Variants in BICRAL observed in about 807,000 individuals in gnomAD.
BICRAL encodes the protein BICRA like chromatin remodeling complex associated protein.
BICRAL carries 8 observed loss-of-function variants against 91.8 expected under a neutral mutation model. The ratio of observed to expected loss-of-function variants is 0.09; its 90% CI spans 0.05 to 0.16. BICRAL has a LOEUF of 0.16. Among genes scored for constraint, BICRAL ranks in the 10% least tolerant of loss-of-function variants. BICRAL has a pLI of 1.00. For synonymous variants in BICRAL, 445 were observed against 491.1 expected, an observed-to-expected ratio of 0.91 and a Z score of 1.24; for missense variants, 1,038 against 1,310.9, an observed-to-expected ratio of 0.79 and a Z score of 3.21.
chr6:42,795,788 C>T (rs777697462), intron 1 of BICRAL, among the ~76,000 whole-genome samples: 2 of 151,952 alleles, frequency 1.3e-5, no homozygotes, highest in East Asian at 3.9e-4. Flanking sequence ...CTTTTCTAAG[C>T]GGAATGTCTT....
Position 42,813,657 on chromosome 6 carries a change from A to T in BICRAL, c.-6+3256A>T, listed in dbSNP as rs183659595. On this transcript the variant is annotated intron_variant, in intron 2 of 12. Transcript: ENST00000314073. ...CACCTCAGCCTCCTGAGCAGCTGGG[A>T]TTACAGGTGCGCACCACCATGCCCA... 1.9e-4 allele frequency among the ~76,000 whole-genome samples: 29 copies of T among 152,088 alleles called. No homozygotes were observed. The East Asian group carries it at 2.1e-3, about 11-fold the overall frequency.
At chr6:42,849,735 G>C (rs994910258) in intron 6 of BICRAL, among the ~76,000 whole-genome samples, 1 of 150,646 alleles carries the variant, frequency 6.6e-6, no homozygotes, top group East Asian at 2.1e-4. Context: ...CACTGCGCCC[G>C]GCCTAGAACA....
intron 1 of BICRAL, among the ~76,000 whole-genome samples, chr6:42,770,505 C>G (rs1401018652): frequency 6.6e-6 from 1 of 151,342 alleles, no homozygotes; most frequent in Non-Finnish European, 1.5e-5. Context: ...ACCTCCACCT[C>G]CCAGGTTCAA....
chr6:42,866,818 C>G lies in BICRAL; in HGVS notation c.*1372C>G, dbSNP rs1231093753. On this transcript the variant is annotated 3_prime_UTR_variant, in exon 13 of 13. Coordinates refer to ENST00000314073, the MANE Select transcript of BICRAL (RefSeq NM_001393499.1). Reference sequence around the variant, plus strand: ...TTCTCGTATACCTGCCCCAGGTTATCCCATTTCTGTTGTTACCTTTATTCT... The same window carrying G: ...TTCTCGTATACCTGCCCCAGGTTATGCCATTTCTGTTGTTACCTTTATTCT... The G allele has an allele frequency of 2.2e-6, 1 of 456,466 alleles. No homozygotes were observed. Among genetic ancestry groups the G allele is most frequent in the South Asian group, 1.5e-5 (1 of 64,564 alleles). 28.3% of individuals were successfully genotyped at this position (456,466 alleles called of 1,614,324 possible).
rs775452279 is a variant in BICRAL at position 42,829,449 on chromosome 6, A to G, written c.1116A>G (p.Pro372=). Residue 372 remains proline, a synonymous_variant, in exon 6 of 13, where the codon CCA becomes CCG. Transcript: ENST00000314073. Reference sequence around the variant, plus strand: ...TAAACCAACAGAACACAAGAAAGCCAGTCACCTCACAGGCAGTGAGCAGCA... The same window carrying G: ...TAAACCAACAGAACACAAGAAAGCCGGTCACCTCACAGGCAGTGAGCAGCA... ...NIVNQQNTRK[P]VTSQAVSSTG... The G allele has an allele frequency of 4.3e-6, 7 of 1,614,226 alleles. No individual in the cohort carries two copies. The highest frequency in any genetic ancestry group is 5.9e-6 in the Non-Finnish European group (7 of 1,180,052).
At chr6:42,845,729 A>G (rs1292344555) in intron 6 of BICRAL, among the ~76,000 whole-genome samples, 1 of 151,944 alleles carries the variant, frequency 6.6e-6, no homozygotes, top group African/African-American at 2.4e-5. Context: ...GGTTTCCAAT[A>G]CTTAACAATA....
chr6:42,850,203 ATCC>A (rs750486389), intron 6 of BICRAL, among the ~76,000 whole-genome samples: 37 of 152,106 alleles, frequency 2.4e-4, no homozygotes, highest in Non-Finnish European at 4.6e-4. Flanking sequence ...TAAACTCTAA[ATCC>A]ATAGATAGTA....
chr6:42,752,699 G>C (rs560278120), intron 1 of BICRAL, among the ~76,000 whole-genome samples: 78 of 152,122 alleles, frequency 5.1e-4, no homozygotes, highest in African/African-American at 1.6e-3. Flanking sequence ...CACCTCCCAG[G>C]TTCAAGCAAT....
intron 1 of BICRAL, among the ~76,000 whole-genome samples, chr6:42,804,762 A>G (rs1562470187): frequency 6.6e-6 from 1 of 152,180 alleles, no homozygotes; most frequent in Non-Finnish European, 1.5e-5. Context: ...TCTGATGCCA[A>G]AAAACCATAC....
Position 42,865,093 on chromosome 6 carries a change from C to T in BICRAL, c.2887C>T (p.His963Tyr), listed in dbSNP as rs772553912. 14 of 1,614,010 alleles carry T rather than the reference C, an allele frequency of 8.7e-6. No homozygotes were observed. The Admixed American group carries it at 1.3e-4, about 15-fold the overall frequency. Residue 963 changes from histidine to tyrosine, a missense_variant, in exon 13 of 13, where the codon CAC (histidine) becomes TAC (tyrosine). Coordinates refer to ENST00000314073, the MANE Select transcript of BICRAL (RefSeq NM_001393499.1). ...SKLSSILADS[H>Y]LEMTCNNSFQ... ...ACTGTCAAGCATCCTAGCAGATTCG[C>T]ACTTGGAGATGACGTGTAACAATTC...
chr6:42,772,500 G>GTAC (rs1554274729), intron 1 of BICRAL, among the ~76,000 whole-genome samples: 1 of 152,158 alleles, frequency 6.6e-6, no homozygotes, highest in Non-Finnish European at 1.5e-5. Flanking sequence ...GGACCACAGG[G>GTAC]TACTAGGAGA....
intron 10 of BICRAL, among the ~76,000 whole-genome samples, 194 bp from the exon 11 acceptor site, chr6:42,860,068 C>T (rs1164224068): frequency 2.0e-5 from 3 of 152,100 alleles, no homozygotes; most frequent in Non-Finnish European, 2.9e-5. Flanking sequence ...GTTTCCATGA[C>T]CAGTGGACAG....
intron 6 of BICRAL, among the ~76,000 whole-genome samples, chr6:42,833,058 CTTTT>C (rs1292449197): frequency 7.2e-6 from 1 of 139,796 alleles, no homozygotes. Context: ...GGTAGACTGT[CTTTT>C]TTTTTTTTTT....
chr6:42,850,048 AAAAT>A (rs71547818), intron 6 of BICRAL, among the ~76,000 whole-genome samples: 3 of 151,392 alleles, frequency 2.0e-5, no homozygotes, highest in Admixed American at 2.0e-4. Context: ...ATAAATAAAT[AAAAT>A]AAATAAATAA....
chr6:42,816,780 C>G (rs1411228207), intron 2 of BICRAL, among the ~76,000 whole-genome samples: 1 of 151,532 alleles, frequency 6.6e-6, no homozygotes, highest in Non-Finnish European at 1.5e-5. Context: ...TTTGGGAGGC[C>G]GAGGCGGGCG....
intron 1 of BICRAL, among the ~76,000 whole-genome samples, chr6:42,775,015 C>A (rs1236082256): frequency 6.6e-6 from 1 of 152,004 alleles, no homozygotes; most frequent in Non-Finnish European, 1.5e-5. Context: ...TAACTGCAAC[C>A]TCCGCCTCCC....
At position 42,829,217 on chromosome 6, in the gene BICRAL, ACAT is replaced by A. The variant is rs747145487; in HGVS notation, c.891_893del (p.Ile298del). The stretch of plus-strand genomic sequence containing the variant: ...TTTCAAACATCTTTACCTGTGCATA[ACAT>A]CATCATACAAAGGGGTCTTGCACCA... On this transcript the variant is annotated inframe_deletion, in exon 6 of 13. Transcript: ENST00000314073. The A allele has an allele frequency of 1.1e-5, 18 of 1,614,204 alleles. No individual in the cohort carries two copies. The South Asian group carries it at 1.9e-4, about 17-fold the overall frequency.
chr6:42,777,478 A>G (rs918012421), upstream of BICRAL, among the ~76,000 whole-genome samples: 3 of 152,200 alleles, frequency 2.0e-5, no homozygotes, highest in African/African-American at 7.2e-5. Flanking sequence ...ATAAAAGTAT[A>G]TACCTTATTT....
chr6:42,752,996 G>T (rs1562446645), intron 1 of BICRAL, among the ~76,000 whole-genome samples: 2 of 146,974 alleles, frequency 1.4e-5, no homozygotes, highest in African/African-American at 5.0e-5. Context: ...GTGCAATCTC[G>T]GCTCACTGCA....
Sources: gnomAD v4.1 joint callset for allele counts (sites outside exome capture counted in the v4.1 genomes callset) on GRCh38, gnomAD v4.1.1 for gene constraint, MANE v1.5 for transcripts, NCBI Gene and HGNC (gene_info 2026-07-23, HGNC 2026-07-21) for gene names.